Variants in PPP3CA observed in about 807,000 individuals in gnomAD.
The protein encoded by PPP3CA is protein phosphatase 3 catalytic subunit alpha, also known as CAM-PRP catalytic subunit.
A neutral mutation model predicts 66.5 loss-of-function variants in PPP3CA; 14 were observed. The ratio of observed to expected loss-of-function variants is 0.21; its 90% CI spans 0.14 to 0.33. The LOEUF (loss-of-function observed/expected upper bound fraction) is 0.33. PPP3CA is among the 10% of genes least tolerant of loss of function. The pLI is 1.00. For synonymous variants in PPP3CA, 232 were observed against 226.2 expected (o/e 1.03, Z -0.23); for missense variants, 317 against 639.5 (o/e 0.50, Z 5.44).
In PPP3CA at chr4:101,141,757, G is replaced by C. The variant is rs184060373; in HGVS notation, c.260-32679C>G. Among the ~76,000 whole-genome samples the C allele has an allele frequency of 1.4e-3, 213 of 151,898 alleles. 2 individuals are homozygous for C. The highest frequency in any genetic ancestry group is 4.8e-3 in the African/African-American group (200 of 41,382). On this transcript the variant is annotated intron_variant, in intron 2 of 13. Transcript: ENST00000394854. ...ATTCTTTAAATTTACCAGTTTCTTT[G>C]TCTCTCCCTACTAGAACACAGCTTC... is the stretch of plus-strand genomic sequence containing the variant.
chr4:101,267,384 T>C (rs1490569399), intron 1 of PPP3CA, among the ~76,000 whole-genome samples: 2 of 152,174 alleles, frequency 1.3e-5, no homozygotes, highest in Non-Finnish European at 2.9e-5. Flanking sequence ...GGGCCTATGA[T>C]ACGCTAGGAA....
intron 2 of PPP3CA, among the ~76,000 whole-genome samples, chr4:101,191,516 T>G (rs1182316903): frequency 1.3e-5 from 2 of 152,146 alleles, no homozygotes; most frequent in African/African-American, 4.8e-5. Flanking sequence ...AAAATAGGTC[T>G]CTGGCTGCAG....
chr4:101,283,028 C>T (rs948340155), intron 1 of PPP3CA, among the ~76,000 whole-genome samples: 2 of 152,136 alleles, frequency 1.3e-5, no homozygotes, highest in African/African-American at 4.8e-5. Flanking sequence ...TTAACACATT[C>T]TCAATCAAAG....
chr4:101,301,213 T>C (rs1348828725), intron 1 of PPP3CA, among the ~76,000 whole-genome samples: 1 of 151,782 alleles, frequency 6.6e-6, no homozygotes, highest in Non-Finnish European at 1.5e-5. Flanking sequence ...CAAACTAGCA[T>C]TCATATCTTC....
At chr4:101,151,709 T>C (rs1049868920) in intron 2 of PPP3CA, among the ~76,000 whole-genome samples, 50 of 120,686 alleles carry the variant, frequency 4.1e-4, no homozygotes, top group Admixed American at 1.4e-3. Context: ...CAGGCTGGAG[T>C]GCAGTGGCGC....
intron 10 of PPP3CA, among the ~76,000 whole-genome samples, chr4:101,048,509 C>CAAAAA (rs59988569): frequency 2.3e-4 from 15 of 66,330 alleles, no homozygotes; most frequent in Admixed American, 3.7e-4. Context: ...TTTCTCTCAC[C>CAAAAA]AAAAAAAAAA....
intron 10 of PPP3CA, among the ~76,000 whole-genome samples, chr4:101,049,409 T>C (rs1324372891): frequency 6.6e-6 from 1 of 152,122 alleles, no homozygotes; most frequent in African/African-American, 2.4e-5. Flanking sequence ...TAAAATCTGA[T>C]TTGGCTCAAC....
At chr4:101,076,274 A>G (rs1022654812) in intron 8 of PPP3CA, among the ~76,000 whole-genome samples, 3 of 151,466 alleles carry the variant, frequency 2.0e-5, no homozygotes, top group African/African-American at 4.9e-5. Flanking sequence ...TATTGATAGG[A>G]TACTTCTGGT....
intron 8 of PPP3CA, among the ~76,000 whole-genome samples, chr4:101,067,972 A>C (rs1425374005): frequency 6.6e-6 from 1 of 152,130 alleles, no homozygotes; most frequent in Non-Finnish European, 1.5e-5. Context: ...TTTTTCTGAA[A>C]AACCTGTAAC....
intron 1 of PPP3CA, among the ~76,000 whole-genome samples, chr4:101,299,514 T>A (rs963264809): frequency 1.3e-5 from 2 of 152,000 alleles, no homozygotes; most frequent in Non-Finnish European, 2.9e-5. Flanking sequence ...GGCTCAAATA[T>A]ACTCCATTAT....
At chr4:101,220,616 CTTAA>C (rs1725595355) in intron 1 of PPP3CA, among the ~76,000 whole-genome samples, 1 of 151,588 alleles carries the variant, frequency 6.6e-6, no homozygotes, top group African/African-American at 2.4e-5. Context: ...GTTTGTTTTT[CTTAA>C]TTATTCTTCC....
At chr4:101,139,696 G>GTTTTTTTTTTTTTTTTTTTT (rs372257350) in intron 2 of PPP3CA, among the ~76,000 whole-genome samples, 28 of 98,374 alleles carry the variant, frequency 2.8e-4, no homozygotes, top group East Asian at 6.7e-4. Context: ...TTTTTTTTGT[G>GTTTTTTTTTTTTTTTTTTTT]TTTTTTTTTT....
chr4:101,136,895 C>T (rs879666652), intron 2 of PPP3CA, among the ~76,000 whole-genome samples: 2 of 152,078 alleles, frequency 1.3e-5, no homozygotes, highest in Non-Finnish European at 2.9e-5. Context: ...TTAAACTCAA[C>T]ATACGTGGTT....
At chr4:101,249,498 A>T (rs1420634005) in intron 1 of PPP3CA, among the ~76,000 whole-genome samples, 1 of 152,118 alleles carries the variant, frequency 6.6e-6, no homozygotes, top group East Asian at 1.9e-4. Context: ...GTTTTTTAGT[A>T]CATTCATTCT....
chr4:101,068,844 C>T (rs781011924), intron 8 of PPP3CA, among the ~76,000 whole-genome samples: 3 of 152,114 alleles, frequency 2.0e-5, no homozygotes, highest in Non-Finnish European at 4.4e-5. Context: ...ATAACTTTTA[C>T]TCTTTAGATC....
intron 1 of PPP3CA, among the ~76,000 whole-genome samples, chr4:101,235,846 T>G (rs536180831): frequency 6.6e-6 from 1 of 152,028 alleles, no homozygotes; most frequent in Non-Finnish European, 1.5e-5. Context: ...CCCTTTGCAC[T>G]GTATAAGGGC....
At chr4:101,279,352 C>G (rs1406799969) in intron 1 of PPP3CA, among the ~76,000 whole-genome samples, 1 of 151,992 alleles carries the variant, frequency 6.6e-6, no homozygotes, top group African/African-American at 2.4e-5. Flanking sequence ...ATTTAGAAAG[C>G]AGAATAAAGT....
chr4:101,215,886 C>T (rs1302301620), intron 1 of PPP3CA, among the ~76,000 whole-genome samples: 2 of 152,022 alleles, frequency 1.3e-5, no homozygotes, highest in Non-Finnish European at 2.9e-5. Context: ...GATTTAGAAA[C>T]AATGTGATCA....
intron 1 of PPP3CA, among the ~76,000 whole-genome samples, chr4:101,279,946 T>C (rs796176194): frequency 4.6e-5 from 7 of 152,318 alleles, no homozygotes; most frequent in Admixed American, 1.3e-4. Context: ...AAAGGAGAAA[T>C]TGACGGAAGC....
Sources: allele counts gnomAD v4.1 joint callset (sites outside exome capture counted in the v4.1 genomes callset), GRCh38; gene constraint gnomAD v4.1.1; transcripts MANE v1.5; gene names NCBI Gene and HGNC (gene_info 2026-07-23, HGNC 2026-07-21).